Variants in CDH13 observed in about 807,000 individuals in gnomAD.
CDH13 encodes the protein cadherin-13.
A neutral mutation model predicts 63.8 loss-of-function variants in CDH13; 24 were observed. The observed-to-expected ratio is 0.38, with a 90% CI of 0.27 to 0.53. The LOEUF (loss-of-function observed/expected upper bound fraction) is 0.53. Among genes scored for constraint, CDH13 ranks in the 20% least tolerant of loss-of-function variants. CDH13 has a pLI of 0.85. For missense variants in CDH13, 1,049 were observed against 903.1 expected (o/e 1.16, Z -2.07); for synonymous variants, 503 against 355.3 (o/e 1.42, Z -4.67).
At chr16:83,474,235 C>G (rs762807054) in intron 6 of CDH13, among the ~76,000 whole-genome samples, 10 of 152,152 alleles carry the variant, frequency 6.6e-5, no homozygotes, top group Non-Finnish European at 1.3e-4. Context: ...CTCAGTGCCC[C>G]CTATATTTTA....
chr16:83,667,174 C>G (rs886315567), intron 8 of CDH13, among the ~76,000 whole-genome samples: 1 of 152,026 alleles, frequency 6.6e-6, no homozygotes, highest in Non-Finnish European at 1.5e-5. Context: ...GTGGACCCAT[C>G]CAAGGACATA....
chr16:83,457,215 G>C (rs566041823), intron 6 of CDH13, among the ~76,000 whole-genome samples: 1 of 152,138 alleles, frequency 6.6e-6, no homozygotes, highest in African/African-American at 2.4e-5. Context: ...GACACCTTAC[G>C]GTTGTTTTGG....
At chr16:82,947,276 T>G (rs1165752955) in intron 2 of CDH13, among the ~76,000 whole-genome samples, 1 of 152,180 alleles carries the variant, frequency 6.6e-6, no homozygotes, top group Non-Finnish European at 1.5e-5. Flanking sequence ...TCCTATTTTC[T>G]GTGTTTATTC....
At chr16:83,747,407 A>C (rs987098345) in intron 10 of CDH13, among the ~76,000 whole-genome samples, 1 of 152,130 alleles carries the variant, frequency 6.6e-6, no homozygotes, top group African/African-American at 2.4e-5. Context: ...GTCTGCCACC[A>C]CGTAAGACAT....
chr16:82,643,553 TTA>T (rs1909684270), intron 1 of CDH13, among the ~76,000 whole-genome samples: 1 of 152,188 alleles, frequency 6.6e-6, no homozygotes, highest in African/African-American at 2.4e-5. Context: ...GCAACCTGTG[TTA>T]TTTGGAACTG....
At chr16:83,511,014 A>G (rs1047529023) in intron 7 of CDH13, among the ~76,000 whole-genome samples, 1 of 152,262 alleles carries the variant, frequency 6.6e-6, no homozygotes, top group African/African-American at 2.4e-5. Context: ...CCATCTTCCC[A>G]CACACATACA....
At chr16:82,997,625 C>T (rs1036592927) in intron 2 of CDH13, among the ~76,000 whole-genome samples, 2 of 152,050 alleles carry the variant, frequency 1.3e-5, no homozygotes, top group Non-Finnish European at 2.9e-5. Context: ...AAGCCTGAGC[C>T]CAGGTTGTTC....
At chr16:83,661,493 A>G (rs1005736189) in intron 8 of CDH13, among the ~76,000 whole-genome samples, 9 of 152,024 alleles carry the variant, frequency 5.9e-5, no homozygotes, top group Admixed American at 3.3e-4. Flanking sequence ...AAAAAAAAAA[A>G]AAAAAAATCT....
intron 2 of CDH13, among the ~76,000 whole-genome samples, chr16:82,894,169 G>C (rs911246041): frequency 3.3e-5 from 5 of 152,078 alleles, no homozygotes; most frequent in African/African-American, 1.2e-4. Flanking sequence ...TCTCCAGGCT[G>C]GTCTCGAACT....
intron 5 of CDH13, among the ~76,000 whole-genome samples, chr16:83,250,467 A>G (rs1240409998): frequency 1.3e-5 from 2 of 152,178 alleles, no homozygotes; most frequent in Non-Finnish European, 2.9e-5. Context: ...AGGAAGTGAT[A>G]GCAGAAGTAT....
At chr16:82,772,440 G>C (rs75585206) in intron 1 of CDH13, among the ~76,000 whole-genome samples, 7,785 of 152,214 alleles carry the variant, frequency 0.051, 249 homozygotes, top group Middle Eastern at 0.12. Flanking sequence ...GCCCACACAG[G>C]CTAGGCAGAG....
chr16:83,695,879 T>C (rs1375035281), intron 10 of CDH13, among the ~76,000 whole-genome samples: 3 of 151,824 alleles, frequency 2.0e-5, no homozygotes, highest in African/African-American at 7.2e-5. Flanking sequence ...TCCAGATATA[T>C]TTATGCCAAA....
intron 1 of CDH13, among the ~76,000 whole-genome samples, chr16:82,857,191 G>T (rs2039737647): frequency 6.6e-6 from 1 of 152,160 alleles, no homozygotes; most frequent in African/African-American, 2.4e-5. Context: ...ATGATCTTGG[G>T]CAAGCTTGTT....
chr16:83,612,955 ATTCCT>A, intron 8 of CDH13, among the ~76,000 whole-genome samples: 1 of 152,106 alleles, frequency 6.6e-6, no homozygotes, highest in East Asian at 1.9e-4. Flanking sequence ...TGATTAAAAA[ATTCCT>A]TTTATTTTAA....
At chr16:83,070,730 T>C (rs918377559) in intron 3 of CDH13, among the ~76,000 whole-genome samples, 9 of 152,170 alleles carry the variant, frequency 5.9e-5, no homozygotes, top group South Asian at 2.1e-4. Flanking sequence ...CTGTGAGGGA[T>C]TGTAAATCAG....
At chr16:83,117,394 C>G (rs1196990791) in intron 3 of CDH13, among the ~76,000 whole-genome samples, 1 of 111,274 alleles carries the variant, frequency 9.0e-6, no homozygotes, top group African/African-American at 3.0e-5. Context: ...CTTCCTCCAT[C>G]TTCCACTGCC....
At chr16:83,435,104 C>T (rs1026135450) in intron 6 of CDH13, among the ~76,000 whole-genome samples, 1 of 151,352 alleles carries the variant, frequency 6.6e-6, no homozygotes, top group Non-Finnish European at 1.5e-5. Flanking sequence ...TGAAGTGCAA[C>T]GGCACAATCT....
At chr16:83,727,669 A>G (rs8062187) in intron 10 of CDH13, among the ~76,000 whole-genome samples, 121,332 of 151,988 alleles carry the variant, frequency 0.8, 49,221 homozygotes, top group East Asian at 0.98. Context: ...AGCCCTAAAA[A>G]ATAAAATTGC....
chr16:82,832,916 G>T (rs544317812), intron 1 of CDH13, among the ~76,000 whole-genome samples: 1 of 152,232 alleles, frequency 6.6e-6, no homozygotes. Context: ...AGATGCTTAA[G>T]AGGCTGCTTT....
Sources: gnomAD v4.1 joint callset for allele counts (sites outside exome capture counted in the v4.1 genomes callset) on GRCh38, gnomAD v4.1.1 for gene constraint, MANE v1.5 for transcripts, NCBI Gene and HGNC (gene_info 2026-07-23, HGNC 2026-07-21) for gene names.